The following ELP4 variants were observed in gnomAD, a reference collection of about 807,000 sequenced individuals.
ELP4 encodes elongator complex protein 4.
A neutral mutation model predicts 48.9 loss-of-function variants in ELP4; 51 were observed. The observed-to-expected ratio is 1.04, with a 90% CI of 0.83 to 1.32. ELP4 has a LOEUF of 1.32. ELP4 is among the 40% of genes most tolerant of loss of function. The pLI is 0.00. For missense variants in ELP4, 519 were observed against 514.6 expected, an observed-to-expected ratio of 1.01 and a Z score of -0.08; for synonymous variants, 210 against 189.2, an observed-to-expected ratio of 1.11 and a Z score of -0.90.
At chr11:31,588,292 A>T (rs1414933131) in intron 3 of ELP4, among the ~76,000 whole-genome samples, 1 of 152,088 alleles carries the variant, frequency 6.6e-6, no homozygotes, top group African/African-American at 2.4e-5. Flanking sequence ...GGGCATGTGT[A>T]TGAGGTTTTT....
At chr11:31,543,536 G>T (rs1406517209) in intron 3 of ELP4, among the ~76,000 whole-genome samples, 4 of 152,082 alleles carry the variant, frequency 2.6e-5, no homozygotes, top group Non-Finnish European at 5.9e-5. Context: ...AGCCAGGATG[G>T]TCTTGATCTC....
At chr11:31,598,232 G>A (rs1222777905) in intron 4 of ELP4, among the ~76,000 whole-genome samples, 2 of 152,014 alleles carry the variant, frequency 1.3e-5, no homozygotes, top group Admixed American at 6.6e-5. Context: ...GGGATTACAG[G>A]TGTGAGCCAC....
chr11:31,662,492 A>G (rs1471347196), intron 9 of ELP4: 2 of 397,082 alleles, frequency 5.0e-6, no homozygotes, highest in Non-Finnish European at 8.9e-6. Context: ...TGTAACAGCC[A>G]TTCCTATCAT....
chr11:31,751,373 A>G (rs1328071059), intron 9 of ELP4, among the ~76,000 whole-genome samples: 1 of 152,186 alleles, frequency 6.6e-6, no homozygotes, highest in East Asian at 1.9e-4. Flanking sequence ...CTCATCAACC[A>G]TGTGTCCTCT....
Position 31,744,504 on chromosome 11 carries a change from A to C in ELP4, c.1144-38889A>C, listed in dbSNP as rs564749970. Among the ~76,000 whole-genome samples, 3 of 152,322 alleles carry C rather than the reference A, an allele frequency of 2.0e-5. No individual in the cohort carries two copies. The East Asian group carries it at 5.8e-4, about 29-fold the overall frequency. ...AAAAATCCTCAATAAAATACTGGCAAACTGAATCCAGCAGCACATCAAAAA... is the reference window on the plus strand; with the variant it reads ...AAAAATCCTCAATAAAATACTGGCACACTGAATCCAGCAGCACATCAAAAA... On this transcript the variant is annotated intron_variant, in intron 9 of 9. Coordinates refer to ENST00000640961, the MANE Select transcript of ELP4 (RefSeq NM_019040.5).
At chr11:31,735,974 A>C (rs1320747461) in intron 9 of ELP4, among the ~76,000 whole-genome samples, 1 of 152,124 alleles carries the variant, frequency 6.6e-6, no homozygotes, top group Admixed American at 6.6e-5. Flanking sequence ...GGAAAAAACT[A>C]TTTTAAAGTT....
intron 7 of ELP4, among the ~76,000 whole-genome samples, chr11:31,640,357 T>A (rs1945067770): frequency 6.6e-6 from 1 of 151,952 alleles, no homozygotes; most frequent in African/African-American, 2.4e-5. Flanking sequence ...TATACTTGGT[T>A]ACGTACTTTC....
At chr11:31,759,557 A>G (rs188392280) in intron 9 of ELP4, among the ~76,000 whole-genome samples, 127 of 152,346 alleles carry the variant, frequency 8.3e-4, no homozygotes, top group Non-Finnish European at 1.6e-3. Flanking sequence ...CTAACTGTGT[A>G]ATATGCATCT....
chr11:31,766,574 G>A (rs1948045861), intron 9 of ELP4, among the ~76,000 whole-genome samples: 1 of 151,886 alleles, frequency 6.6e-6, no homozygotes, highest in Admixed American at 6.6e-5. Context: ...CATTTTGTGT[G>A]AAATATTAAT....
At position 31,692,089 on chromosome 11, in the gene ELP4, A is replaced by G. The variant is rs565988187; in HGVS notation, c.1143+41868A>G. ...TTTTTAAGCTGTGAAACTCTGAGAA[A>G]CTTCTTACTCAGAAGTCCAATAAAG... On this transcript the variant is annotated intron_variant, in intron 9 of 9. Coordinates refer to ENST00000640961, the MANE Select transcript of ELP4 (RefSeq NM_019040.5). Among the ~76,000 whole-genome samples the G allele has an allele frequency of 1.1e-4, 17 of 152,274 alleles. 1 individual carries two copies. The highest frequency in any genetic ancestry group is 7.9e-4 in the Admixed American group (12 of 15,272).
At chr11:31,593,262 G>GTTC (rs1301300992) in intron 3 of ELP4, among the ~76,000 whole-genome samples, 4 of 151,118 alleles carry the variant, frequency 2.6e-5, no homozygotes, top group African/African-American at 7.3e-5. Context: ...TGTTGTTGTT[G>GTTC]TTGTTGTTAA....
chr11:31,662,750 A>G (rs1352183436), intron 9 of ELP4: 9 of 391,536 alleles, frequency 2.3e-5, no homozygotes, highest in Non-Finnish European at 4.1e-5. Context: ...TGTAATTTGC[A>G]CTTGTAGAAT....
intron 3 of ELP4, among the ~76,000 whole-genome samples, chr11:31,557,553 T>C (rs969102677): frequency 1.3e-5 from 2 of 152,080 alleles, no homozygotes; most frequent in Non-Finnish European, 2.9e-5. Flanking sequence ...AGTTGTTTGC[T>C]TTTACTGCAT....
intron 9 of ELP4, among the ~76,000 whole-genome samples, chr11:31,711,726 T>G (rs1047556047): frequency 1.3e-5 from 2 of 152,140 alleles, no homozygotes; most frequent in Non-Finnish European, 2.9e-5. Flanking sequence ...AATTAGTCAT[T>G]TATTTAATAA....
intron 9 of ELP4, among the ~76,000 whole-genome samples, chr11:31,738,344 C>T (rs1592267969): frequency 6.6e-6 from 1 of 151,170 alleles, no homozygotes; most frequent in East Asian, 2.0e-4. Flanking sequence ...GGCCGTGGTT[C>T]AAGGCTGCAG....
At chr11:31,677,990 G>C (rs1011348346) in intron 9 of ELP4, among the ~76,000 whole-genome samples, 3 of 152,020 alleles carry the variant, frequency 2.0e-5, no homozygotes, top group African/African-American at 7.2e-5. Flanking sequence ...AAAATCCCCT[G>C]TTCTCTACCT....
Position 31,690,406 on chromosome 11 carries a change from T to C in ELP4, c.1143+40185T>C, listed in dbSNP as rs372272430. Among the ~76,000 whole-genome samples, 6 of 152,060 alleles carry C rather than the reference T, an allele frequency of 3.9e-5. 1 individual carries two copies. The East Asian group carries it at 1.2e-3, about 29-fold the overall frequency. On this transcript the variant is annotated intron_variant, in intron 9 of 9. Transcript: ENST00000640961. ...AAATAAGGTTTGGTCACTGACCAAA[T>C]ACCCCTTCTTTTTCCTAAAAAAAAA...
intron 7 of ELP4, chr11:31,634,045 CTA>C (rs1944921812): frequency 6.6e-6 from 1 of 152,026 alleles, no homozygotes; most frequent in East Asian, 1.9e-4. Flanking sequence ...GCAAAGACAA[CTA>C]TACTGAAGTT....
At chr11:31,536,421 G>A (rs991020834) in intron 2 of ELP4, among the ~76,000 whole-genome samples, 2 of 152,008 alleles carry the variant, frequency 1.3e-5, no homozygotes, top group African/African-American at 4.8e-5. Flanking sequence ...GCGTAATCTC[G>A]GCTCACTGCA....
Sources: gnomAD v4.1 joint callset for allele counts (sites outside exome capture counted in the v4.1 genomes callset) on GRCh38, gnomAD v4.1.1 for gene constraint, MANE v1.5 for transcripts, NCBI Gene and HGNC (gene_info 2026-07-23, HGNC 2026-07-21) for gene names.